Variants in DENND2B observed in about 807,000 individuals in gnomAD.
The protein encoded by DENND2B is DENN domain containing 2B.
DENND2B carries 32 observed loss-of-function variants against 116.0 expected under a neutral mutation model. The ratio of observed to expected loss-of-function variants is 0.28; its 90% CI spans 0.21 to 0.37. DENND2B has a LOEUF of 0.37. Ranked by LOEUF, DENND2B falls within the 10% of genes least tolerant of loss-of-function variation. The pLI is 1.00. For missense variants in DENND2B, 1,276 were observed against 1,477.7 expected (o/e 0.86, Z 2.24); for synonymous variants, 588 against 583.9 (o/e 1.01, Z -0.10).
At chr11:8,876,232 A>G, upstream of DENND2B, among the ~76,000 whole-genome samples, 1 of 151,950 alleles carries the variant, frequency 6.6e-6, no homozygotes, top group East Asian at 1.9e-4. Context: ...TATTATACTA[A>G]AGTACATATA....
intron 14 of DENND2B, among the ~76,000 whole-genome samples, chr11:8,700,227 C>T (rs1006648675): frequency 6.6e-6 from 1 of 152,176 alleles, no homozygotes; most frequent in African/African-American, 2.4e-5. Flanking sequence ...CTGACAATGA[C>T]CATGGCTGGT....
At chr11:8,801,946 C>T (rs7120300) in intron 1 of DENND2B, among the ~76,000 whole-genome samples, 86,592 of 143,978 alleles carry the variant, frequency 0.6, 28,268 homozygotes, top group Non-Finnish European at 0.73. Context: ...GAGCCAATAT[C>T]GCACCACTGC....
upstream of DENND2B, among the ~76,000 whole-genome samples, chr11:8,814,267 C>CTTTTT (rs78274604): frequency 0.063 from 7,670 of 121,378 alleles, 474 homozygotes; most frequent in East Asian, 0.1. Context: ...TCTGAATCAC[C>CTTTTT]TTTTTTTTTT....
At chr11:8,867,775 G>A (rs1464605017) in intron 2 of DENND2B, among the ~76,000 whole-genome samples, 2 of 151,696 alleles carry the variant, frequency 1.3e-5, no homozygotes, top group Non-Finnish European at 2.9e-5. Flanking sequence ...TAGAGACAGG[G>A]TTTCACCATG....
intron 3 of DENND2B, among the ~76,000 whole-genome samples, chr11:8,856,756 T>C (rs1487756320): frequency 2.0e-5 from 3 of 151,548 alleles, no homozygotes; most frequent in Non-Finnish European, 4.4e-5. Flanking sequence ...TATTTTCTTT[T>C]TTTTTTTTTT....
chr11:8,714,127 G>A (rs1416725710), intron 7 of DENND2B, 85 bp from the exon 8 acceptor site: 2 of 1,365,450 alleles, frequency 1.5e-6, no homozygotes, highest in African/African-American at 2.8e-5. Context: ...TTTTCTCACA[G>A]GGGATGGATC....
chr11:8,814,713 A>C (rs975973835), upstream of DENND2B, among the ~76,000 whole-genome samples: 2 of 152,228 alleles, frequency 1.3e-5, no homozygotes, highest in Non-Finnish European at 2.9e-5. Flanking sequence ...AGAGTTCCTT[A>C]GGATACGAAC....
At chr11:8,708,411 G>C (rs907186454) in intron 11 of DENND2B, 43 of 857,136 alleles carry the variant, frequency 5.0e-5, no homozygotes, top group Middle Eastern at 1.2e-3. Flanking sequence ...CCTGGGCTTG[G>C]GACTTTACAA....
Position 8,702,941 on chromosome 11 carries a change from T to G in DENND2B, c.2572-221A>C. On this transcript the variant is annotated intron_variant, in intron 13 of 19. Transcript: ENST00000313726. This position sits in a 1 kb window ranked among gnomAD's most constrained non-coding sequence, Gnocchi z 4.6. ...AGCCTGTGGGCAAGAGGGCTGCCTG[T>G]GAAAGCGGGGAAGGCTCCAGAAGGA... The G allele has an allele frequency of 1.7e-6, 1 of 575,138 alleles. No homozygotes were observed. The highest frequency in any genetic ancestry group is 3.0e-6 in the Non-Finnish European group (1 of 335,006). The allele number at this position is 575,138 out of a possible 1,614,324, so 35.6% of individuals were successfully genotyped here. A position where few individuals can be genotyped will look rare whatever the true frequency, so the allele number is the denominator to read the frequency against.
At chr11:8,716,730 C>T (rs1038060243) in intron 5 of DENND2B, among the ~76,000 whole-genome samples, 1 of 151,920 alleles carries the variant, frequency 6.6e-6, no homozygotes, top group Non-Finnish European at 1.5e-5. Flanking sequence ...TTACTGCAAC[C>T]TCCGTCTTCC....
chr11:8,829,818 G>A (rs2062134106), intron 4 of DENND2B, among the ~76,000 whole-genome samples: 1 of 152,118 alleles, frequency 6.6e-6, no homozygotes, highest in African/African-American at 2.4e-5. Context: ...CTATAAAACA[G>A]AGCCAGACTA....
chr11:8,760,782 G>A (rs1014817195), intron 1 of DENND2B, among the ~76,000 whole-genome samples: 1 of 152,130 alleles, frequency 6.6e-6, no homozygotes, highest in Admixed American at 6.5e-5. Context: ...AGCCCTTCAA[G>A]GAAAAATGTA....
Position 8,730,716 on chromosome 11 carries a change from C to G in DENND2B, c.574G>C (p.Gly192Arg), listed in dbSNP as rs768032495. The change falls in exon 3 of 20, where the codon GGG becomes CGG. Residue 192 changes from glycine (G) to arginine (R), a missense_variant. Physicochemically the swap from Gly to Arg is moderately radical, Grantham distance 125. Around this residue, in one of 2 missense-constraint regions of DENND2B, gnomAD observed 856 missense variants for 846.6 expected, o/e 1.01. Transcript: ENST00000313726. The surrounding 1 kb of genome is among the most constrained non-coding windows in gnomAD (Gnocchi z 4.1). Reference sequence around the variant, plus strand: ...CCCTCACTGGCCGCCCACTCGCTCCCAGAGCCCTCCCGCTTCTCTCCACAC... The same window carrying G: ...CCCTCACTGGCCGCCCACTCGCTCCGAGAGCCCTCCCGCTTCTCTCCACAC... Reference protein sequence around the residue: ...SMCGEKREGSGSEWAASEGCP... With the variant: ...SMCGEKREGSRSEWAASEGCP... 6.2e-7 allele frequency: 1 copy of G among 1,612,244 alleles called. No homozygotes were observed. Among genetic ancestry groups the G allele is most frequent in the Non-Finnish European group, 8.5e-7 (1 of 1,179,874 alleles).
chr11:8,718,214 C>T, intron 4 of DENND2B: 3 of 851,714 alleles, frequency 3.5e-6, no homozygotes. Flanking sequence ...AGCCAGAGGA[C>T]AAAGCCAGCA....
Position 8,890,657 on chromosome 11 carries a change from T to C in DENND2B, c.-255-9548A>G, listed in dbSNP as rs372361405. On this transcript the variant is annotated intron_variant, in intron 1 of 22. Coordinates refer to the DENND2B transcript ENST00000534127. ...AGGGTATCAGTGATTGAAGATCAAA[T>C]TAATGAAATGAAGTGAGAAGAGAAG... Among the ~76,000 whole-genome samples the C allele has an allele frequency of 9.2e-5, 14 of 152,214 alleles. No individual in the cohort carries two copies. The East Asian group carries it at 1.9e-3, about 21-fold the overall frequency.
chr11:8,699,992 C>T (rs1439164098), intron 14 of DENND2B: 1 of 456,256 alleles, frequency 2.2e-6, no homozygotes, highest in East Asian at 6.9e-5. Context: ...CAGAATGGTC[C>T]TGGAATGTGC....
In DENND2B at chr11:8,718,016, C is replaced by T. The variant is rs529985917; in HGVS notation, c.1478-124G>A. ...AGAGAATGGCTTCTGCCTGGCCCCT[C>T]AGCTCATGAGTCATGCAGCTGCCCG... On this transcript the variant is annotated intron_variant, in intron 4 of 19. Coordinates refer to ENST00000313726, the MANE Select transcript of DENND2B (RefSeq NM_213618.2). The T allele has an allele frequency of 3.6e-6, 4 of 1,124,004 alleles. No individual in the cohort carries two copies. The Admixed American group carries it at 7.5e-5, about 21-fold the overall frequency. 69.6% of individuals were successfully genotyped at this position (1,124,004 alleles called of 1,614,324 possible). A position where few individuals can be genotyped will look rare whatever the true frequency, so the allele number is the denominator to read the frequency against.
chr11:8,740,529 A>C (rs1009280168), intron 2 of DENND2B, among the ~76,000 whole-genome samples: 1 of 152,132 alleles, frequency 6.6e-6, no homozygotes, highest in African/African-American at 2.4e-5. Flanking sequence ...GGCTACTACA[A>C]GTGTTAGTAA....
At chr11:8,721,482 G>A (rs1039908890) in intron 4 of DENND2B, among the ~76,000 whole-genome samples, 2 of 131,628 alleles carry the variant, frequency 1.5e-5, no homozygotes, top group East Asian at 2.3e-4. Context: ...TAGGGTCCTG[G>A]GTCTGCAGCT....
Sources: gnomAD v4.1 joint callset for allele counts (sites outside exome capture counted in the v4.1 genomes callset) on GRCh38, gnomAD v4.1.1 for gene constraint, gnomAD v4.1.1 regional missense constraint, Gnocchi (gnomAD v3.1) non-coding constraint, MANE v1.5 for transcripts, NCBI Gene and HGNC (gene_info 2026-07-23, HGNC 2026-07-21) for gene names.